Variants in ATR observed in about 807,000 individuals in gnomAD.
ATR encodes the protein ATR checkpoint kinase.
A neutral mutation model predicts 305.3 loss-of-function variants in ATR; 142 were observed. That is an observed-to-expected ratio of 0.47 (90% confidence interval 0.41 to 0.53). The LOEUF is 0.53. Ranked by LOEUF, ATR falls within the 20% of genes least tolerant of loss-of-function variation. The pLI is 0.00. For missense variants in ATR, 2,135 were observed against 3,133.1 expected (o/e 0.68, Z 7.60); for synonymous variants, 1,050 against 1,068.1 (o/e 0.98, Z 0.33).
At position 142,566,713 on chromosome 3, in the gene ATR, C is replaced by T. The variant is rs888051131; in HGVS notation, c.152-452G>A. On this transcript the variant is annotated intron_variant, in intron 2 of 46. Transcript: ENST00000350721. Reference sequence around the variant, plus strand: ...TTATATCCAGCACAGCACTCAACAACATTCAAGCTAAATTGATGGGGCTAA... The same window carrying T: ...TTATATCCAGCACAGCACTCAACAATATTCAAGCTAAATTGATGGGGCTAA... 2.7e-5 allele frequency among the ~76,000 whole-genome samples: 4 copies of T among 150,594 alleles called. No homozygotes were observed. In the South Asian group the frequency reaches 8.3e-4, roughly 31 times the overall value.
At chr3:142,543,827 G>A (rs1271323517) in intron 16 of ATR, among the ~76,000 whole-genome samples, 3 of 151,644 alleles carry the variant, frequency 2.0e-5, no homozygotes, top group African/African-American at 7.3e-5. Context: ...GCACCACCTC[G>A]CCCAGCTAAT....
chr3:142,553,738 A>G lies in ATR; in HGVS notation c.2535T>C (p.Leu845=). The change falls in exon 12 of 47, where the codon CTT becomes CTC. Residue 845 remains leucine, a splice_region_variant and synonymous_variant. Transcript: ENST00000350721. ...ATGCTTCCTTCATTCTTAAGACAAA[A>G]AGCTAGAACAATAAAATTAACTGGT... The part of the protein sequence containing the change: ...LDSEDGFIKE[L]FVLRMKEAYT... 1.2e-6 allele frequency: 2 copies of G among 1,611,934 alleles called. No homozygotes were observed. Among genetic ancestry groups the G allele is most frequent in the Non-Finnish European group, 1.7e-6 (2 of 1,178,150 alleles).
intron 46 of ATR, chr3:142,451,228 G>A: frequency 8.4e-7 from 1 of 1,192,000 alleles, no homozygotes; most frequent in Non-Finnish European, 1.1e-6. Flanking sequence ...TGCACATCCA[G>A]ATGCAGGTGT....
At chr3:142,545,990 CTGTT>C (rs1292820190) in intron 16 of ATR, among the ~76,000 whole-genome samples, 1 of 152,070 alleles carries the variant, frequency 6.6e-6, no homozygotes, top group Non-Finnish European at 1.5e-5. Flanking sequence ...AGGTGAATAT[CTGTT>C]TGCCATCTTC....
intron 40 of ATR, chr3:142,465,705 A>C (rs914347363): frequency 1.9e-5 from 3 of 159,180 alleles, no homozygotes; most frequent in Non-Finnish European, 4.1e-5. Flanking sequence ...AATACTGCTT[A>C]AATTAAAAAC....
intron 16 of ATR, 41 bp from the exon 17 acceptor site, chr3:142,542,798 T>C (rs564376452): frequency 2.5e-4 from 362 of 1,453,426 alleles, no homozygotes; most frequent in Non-Finnish European, 3.1e-4. Flanking sequence ...TTTATACAGA[T>C]TGAATTTCTT....
intron 1 of ATR, among the ~76,000 whole-genome samples, chr3:142,574,557 AC>A (rs2035378461): frequency 6.6e-6 from 1 of 152,158 alleles, no homozygotes; most frequent in East Asian, 1.9e-4. Context: ...AGAGGGTATA[AC>A]TTTTCAAAAG....
chr3:142,549,703 G>C (rs919033494), intron 14 of ATR, 30 bp from the exon 15 acceptor site: 1 of 1,599,814 alleles, frequency 6.3e-7, no homozygotes, highest in African/African-American at 1.3e-5. Flanking sequence ...TTACCAAAAA[G>C]TACATTTGTC....
At chr3:142,522,177 G>C (rs1444924020) in intron 23 of ATR, among the ~76,000 whole-genome samples, 1 of 152,160 alleles carries the variant, frequency 6.6e-6, no homozygotes, top group Non-Finnish European at 1.5e-5. Flanking sequence ...AAGATGGTTA[G>C]CATTTTTTAG....
intron 25 of ATR, among the ~76,000 whole-genome samples, chr3:142,515,052 ATC>A (rs1431635572): frequency 5.3e-5 from 8 of 152,182 alleles, no homozygotes; most frequent in African/African-American, 1.2e-4. Flanking sequence ...AGTATAATAT[ATC>A]TCTTTATTGA....
At chr3:142,536,569 ATT>A (rs1314511266) in intron 19 of ATR, among the ~76,000 whole-genome samples, 1 of 152,212 alleles carries the variant, frequency 6.6e-6, no homozygotes, top group African/African-American at 2.4e-5. Flanking sequence ...GCAAGTTTCC[ATT>A]TGTGTGTTCT....
At chr3:142,451,851 G>T in intron 46 of ATR, 1 of 1,316,400 alleles carries the variant, frequency 7.6e-7, no homozygotes, top group South Asian at 1.2e-5. Context: ...CAGCTGTTTA[G>T]AACAGAAATG....
intron 16 of ATR, 104 bp from the exon 17 acceptor site, chr3:142,542,861 A>G (rs771455516): frequency 2.2e-6 from 2 of 904,664 alleles, no homozygotes; most frequent in Non-Finnish European, 3.4e-6. Flanking sequence ...ACCTAACTAG[A>G]TTAGCATATT....
chr3:142,465,850 T>TA (rs1239123762), intron 40 of ATR: 1 of 169,794 alleles, frequency 5.9e-6, no homozygotes, highest in Non-Finnish European at 1.3e-5. Context: ...ACAAAAAATT[T>TA]AAAAAATTAG....
At position 142,512,400 on chromosome 3, in the gene ATR, G is replaced by C. The variant is rs762916083; in HGVS notation, c.4712C>G (p.Ser1571Cys). The change falls in exon 27 of 47, where the codon TCT (serine) becomes TGT (cysteine). Residue 1571 changes from serine (S) to cysteine (C), a missense_variant. Ser to Cys is a moderately radical substitution (Grantham distance 112, BLOSUM62 -1). Transcript: ENST00000350721. ...QHTINTQDIA[S>C]DLCQLSTQTV... ...CTGTGTACTGAGTTGACACAGATCA[G>C]ATGCAATGTCTTGGGTATTTATGGT... 6.2e-7 allele frequency: 1 copy of C among 1,613,886 alleles called. No homozygotes were observed.
intron 8 of ATR, among the ~76,000 whole-genome samples, chr3:142,557,498 G>A (rs1326897720): frequency 6.6e-6 from 1 of 151,874 alleles, no homozygotes; most frequent in Non-Finnish European, 1.5e-5. Flanking sequence ...AATGTAAGCT[G>A]TAAGAAGCAA....
chr3:142,538,266 G>T (rs2033926758), intron 19 of ATR, among the ~76,000 whole-genome samples: 1 of 152,134 alleles, frequency 6.6e-6, no homozygotes, highest in Non-Finnish European at 1.5e-5. Context: ...TTTAACTGGT[G>T]ACCTATTAGT....
intron 3 of ATR, among the ~76,000 whole-genome samples, chr3:142,563,409 A>G (rs2034955049): frequency 6.6e-6 from 1 of 152,192 alleles, no homozygotes; most frequent in African/African-American, 2.4e-5. Context: ...CATTTTGGTA[A>G]TTCTCAAAAT....
At chr3:142,501,051 A>G (rs895896383) in intron 30 of ATR, among the ~76,000 whole-genome samples, 4 of 152,238 alleles carry the variant, frequency 2.6e-5, no homozygotes, top group African/African-American at 9.6e-5. Context: ...GGCACAGTCA[A>G]TATTTTAGGA....
Sources: gnomAD v4.1 joint callset for allele counts (sites outside exome capture counted in the v4.1 genomes callset) on GRCh38, gnomAD v4.1.1 for gene constraint, MANE v1.5 for transcripts, NCBI Gene and HGNC (gene_info 2026-07-23, HGNC 2026-07-21) for gene names.